The following RMDN3 variants were observed in gnomAD, a reference collection of about 807,000 sequenced individuals.
RMDN3 encodes regulator of microtubule dynamics 3, also known as regulator of microtubule dynamics protein 3.
A neutral mutation model predicts 61.8 loss-of-function variants in RMDN3; 41 were observed. The ratio of observed to expected loss-of-function variants is 0.66; its 90% confidence interval spans 0.52 to 0.86. RMDN3 has a LOEUF of 0.86. Ranked by LOEUF, RMDN3 falls within the 40% of genes least tolerant of loss-of-function variation. The pLI is 0.00. For missense variants in RMDN3, 557 were observed against 585.3 expected (o/e 0.95, Z 0.50); for synonymous variants, 247 against 232.0 (o/e 1.06, Z -0.59).
chr15:40,740,116 C>T lies in RMDN3; in HGVS notation c.971+17G>A, dbSNP rs369955059. The T allele has an allele frequency of 3.2e-6, 5 of 1,576,206 alleles. No individual in the cohort carries two copies. In the African/African-American group the frequency reaches 6.7e-5, roughly 21 times the overall value. Reference sequence around the variant, plus strand: ...GCCCTTGCTGGCTCTTCCCAGAACACTGCAGGGTGTTATTACCACAGGTGA... The same window carrying T: ...GCCCTTGCTGGCTCTTCCCAGAACATTGCAGGGTGTTATTACCACAGGTGA... On this transcript the variant is annotated intron_variant, in intron 7 of 12. Coordinates refer to ENST00000338376, the MANE Select transcript of RMDN3 (RefSeq NM_018145.3).
intron 4 of RMDN3, among the ~76,000 whole-genome samples, chr15:40,747,280 G>A (rs538953659): frequency 2.0e-5 from 3 of 152,276 alleles, no homozygotes; most frequent in African/African-American, 4.8e-5. Flanking sequence ...CCTGAGCTGC[G>A]ATGCTGCCAT....
chr15:40,743,311 C>T (rs1395162053), intron 6 of RMDN3, among the ~76,000 whole-genome samples: 1 of 151,900 alleles, frequency 6.6e-6, no homozygotes, highest in Non-Finnish European at 1.5e-5. Context: ...ATCCCAGCTA[C>T]TGGGGAGGCT....
At chr15:40,744,742 A>ATTGG (rs1897439813) in intron 5 of RMDN3, among the ~76,000 whole-genome samples, 3 of 152,016 alleles carry the variant, frequency 2.0e-5, no homozygotes, top group Non-Finnish European at 4.4e-5. Flanking sequence ...CCCCCTCCCA[A>ATTGG]GAGGGGAGGC....
chr15:40,743,933 C>G lies in RMDN3; in HGVS notation c.910+114G>C, dbSNP rs571963284. 1.4e-5 allele frequency: 12 copies of G among 828,784 alleles called. No individual in the cohort carries two copies. The East Asian group carries it at 3.1e-4, about 21-fold the overall frequency. The allele number at this position is 828,784 out of a possible 1,614,324, so 51.3% of individuals were successfully genotyped here. On this transcript the variant is annotated intron_variant, in intron 6 of 12. Transcript: ENST00000338376. ...GCCAGAGTTTGTCCCTAGTGGGTAA[C>G]TGAGCCACAACTGCTGACAGCATCT...
At chr15:40,744,875 T>C (rs2141913059) in intron 5 of RMDN3, 102 bp downstream of exon 5, 1 of 1,260,966 alleles carries the variant, frequency 7.9e-7, no homozygotes, top group Non-Finnish European at 1.1e-6. Context: ...CATGTCACCT[T>C]GTAGGGGCAG....
In RMDN3 at chr15:40,750,229, T is replaced by TC. The variant is rs1436386137; in HGVS notation, c.524+1196_524+1197insG. 2.0e-5 allele frequency among the ~76,000 whole-genome samples: 3 copies of TC among 146,746 alleles called. No individual in the cohort carries two copies. The East Asian group carries it at 6.0e-4, about 29-fold the overall frequency. On this transcript the variant is annotated intron_variant, in intron 4 of 12. Coordinates refer to ENST00000338376, the MANE Select transcript of RMDN3 (RefSeq NM_018145.3). Reference sequence around the variant, plus strand: ...CAGCTCGTTTTTTTTTTTTTTTTTTTTTTTCTTTGAGATGGAGTCTCACTC... The same window carrying TC: ...CAGCTCGTTTTTTTTTTTTTTTTTTTCTTTTCTTTGAGATGGAGTCTCACTC...
intron 2 of RMDN3, among the ~76,000 whole-genome samples, chr15:40,753,314 C>T (rs2061726688): frequency 6.6e-6 from 1 of 152,050 alleles, no homozygotes. Flanking sequence ...GAGTTGGAGA[C>T]CAGCCTGGCC....
In RMDN3 at chr15:40,737,359, G is replaced by A. The variant is rs199947975; in HGVS notation, c.1225-18C>T. The A allele has an allele frequency of 2.6e-4, 412 of 1,610,240 alleles. No individual in the cohort carries two copies. In the African/African-American group the frequency reaches 4.5e-3, roughly 18 times the overall value. On this transcript the variant is annotated intron_variant, in intron 10 of 12. Coordinates refer to ENST00000338376, the MANE Select transcript of RMDN3 (RefSeq NM_018145.3). Reference sequence around the variant, plus strand: ...TCTTCAGCCTGGGAAAAGGGACAAAGATATTTCAGTAAGAGGTTCCTATAT... The same window carrying A: ...TCTTCAGCCTGGGAAAAGGGACAAAAATATTTCAGTAAGAGGTTCCTATAT...
At chr15:40,745,883 T>G (rs1217662265) in intron 4 of RMDN3, among the ~76,000 whole-genome samples, 3 of 152,034 alleles carry the variant, frequency 2.0e-5, no homozygotes, top group Admixed American at 6.6e-5. Context: ...ATCCACAAAC[T>G]CGCAACCTCT....
At chr15:40,754,053 G>A (rs971056784) in intron 2 of RMDN3, among the ~76,000 whole-genome samples, 1 of 151,260 alleles carries the variant, frequency 6.6e-6, no homozygotes, top group African/African-American at 2.4e-5. Flanking sequence ...AGAACTAAAA[G>A]TGAAAGTTAA....
At chr15:40,746,516 CAA>C (rs756574720) in intron 4 of RMDN3, among the ~76,000 whole-genome samples, 8 of 85,772 alleles carry the variant, frequency 9.3e-5, no homozygotes, top group Non-Finnish European at 5.0e-5. Flanking sequence ...GACTCCGTCT[CAA>C]AAAAAAAAAA....
chr15:40,738,089 C>G, intron 8 of RMDN3, 47 bp from the exon 9 acceptor site: 1 of 1,598,106 alleles, frequency 6.3e-7, no homozygotes, highest in Non-Finnish European at 8.6e-7. Flanking sequence ...ACCAGAGTTG[C>G]TAAAAGAGAG....
In RMDN3 at chr15:40,754,738, G is replaced by C; in HGVS notation, c.46C>G (p.Leu16Val). 1 of 1,599,592 alleles carries C rather than the reference G, an allele frequency of 6.3e-7. No individual in the cohort carries two copies. Among genetic ancestry groups the C allele is most frequent in the Non-Finnish European group, 8.5e-7 (1 of 1,170,266 alleles). Residue 16 changes from leucine to valine, a missense_variant, in exon 2 of 13, where the codon CTG (leucine) becomes GTG (valine). By Grantham distance (32) the Leu-to-Val change is conservative (BLOSUM62 1). Coordinates refer to ENST00000338376, the MANE Select transcript of RMDN3 (RefSeq NM_018145.3). ...ALGGARAGLGLLLGTAAGLGF... is the reference protein window; with the variant it reads ...ALGGARAGLGVLLGTAAGLGF... ...AGGCCGGCGGCGGTACCCAGCAACA[G>C]TCCCAGCCCGGCACGGGCACCACCC...
At chr15:40,751,310 C>T in intron 4 of RMDN3, 116 bp downstream of exon 4, 1 of 1,307,228 alleles carries the variant, frequency 7.6e-7, no homozygotes, top group South Asian at 1.4e-5. Context: ...ATTTATTATA[C>T]TCTTACCTGT....
chr15:40,738,756 G>A (rs559522546), intron 7 of RMDN3, 180 bp from the exon 8 acceptor site: 17 of 616,514 alleles, frequency 2.8e-5, no homozygotes, highest in Admixed American at 2.7e-5. Flanking sequence ...GCCCCAATTA[G>A]TATTCTTTAG....
chr15:40,740,142 C>T lies in RMDN3; in HGVS notation c.962G>A (p.Cys321Tyr), dbSNP rs750401021. Residue 321 changes from cysteine (C) to tyrosine (Y), a missense_variant, in exon 7 of 13, where the codon TGT (cysteine) becomes TAT (tyrosine). Transcript: ENST00000338376. ...ALEKGDESADCHLWYAVLCGQ... is the reference protein window; with the variant it reads ...ALEKGDESADYHLWYAVLCGQ... Reference sequence around the variant, plus strand: ...TGCAGGGTGTTATTACCACAGGTGACAGTCAGCACTCTCATCCCCCTTCTC... The same window carrying T: ...TGCAGGGTGTTATTACCACAGGTGATAGTCAGCACTCTCATCCCCCTTCTC... 1.9e-6 allele frequency: 3 copies of T among 1,608,222 alleles called. No individual in the cohort carries two copies. The South Asian group carries it at 3.3e-5, about 18-fold the overall frequency.
At chr15:40,754,811 CG>C in intron 1 of RMDN3, 21 bp from the exon 2 acceptor site, 1 of 863,992 alleles carries the variant, frequency 1.2e-6, no homozygotes, top group South Asian at 1.5e-5. Context: ...CAGAAGTCAC[CG>C]GGAGCAGGCA....
intron 4 of RMDN3, among the ~76,000 whole-genome samples, chr15:40,748,438 C>G (rs1897670339): frequency 6.6e-6 from 1 of 152,276 alleles, no homozygotes; most frequent in South Asian, 2.1e-4. Context: ...CCTGAAGGCG[C>G]TATAATTAAG....
At position 40,737,759 on chromosome 15, in the gene RMDN3, G is replaced by T. The variant is rs759602144; in HGVS notation, c.1126-33C>A. Reference sequence around the variant, plus strand: ...AAAAAGATCAAGGTGTGTATAAGAGGTTTTAAAAGGTTTTTTTTCTTTAAA... The same window carrying T: ...AAAAAGATCAAGGTGTGTATAAGAGTTTTTAAAAGGTTTTTTTTCTTTAAA... On this transcript the variant is annotated intron_variant, in intron 9 of 12. Coordinates refer to ENST00000338376, the MANE Select transcript of RMDN3 (RefSeq NM_018145.3). 4 of 1,592,906 alleles carry T rather than the reference G, an allele frequency of 2.5e-6. No homozygotes were observed. The South Asian group carries it at 4.5e-5, about 18-fold the overall frequency.
Sources: allele counts gnomAD v4.1 joint callset (sites outside exome capture counted in the v4.1 genomes callset), GRCh38; gene constraint gnomAD v4.1.1; transcripts MANE v1.5; gene names NCBI Gene and HGNC (gene_info 2026-07-23, HGNC 2026-07-21).